RAB3C: variants seen among roughly 807,000 people sequenced by gnomAD.
RAB3C encodes ras-related protein Rab-3C.
Under a neutral mutation model 26.4 loss-of-function variants are expected in RAB3C, and 17 were observed. That is an observed-to-expected ratio of 0.64 (90% confidence interval 0.44 to 0.97). The LOEUF (loss-of-function observed/expected upper bound fraction) is 0.97, where lower values mean the gene tolerates loss of function less well. Ranked by LOEUF, RAB3C falls within the 50% of genes least tolerant of loss-of-function variation. RAB3C has a pLI of 0.00. For synonymous variants in RAB3C, 91 were observed against 95.9 expected, an observed-to-expected ratio of 0.95 and a Z score of 0.30; for missense variants, 242 against 281.9, an observed-to-expected ratio of 0.86 and a Z score of 1.01.
At chr5:58,645,250 T>G (rs781057229) in intron 2 of RAB3C, among the ~76,000 whole-genome samples, 3 of 152,222 alleles carry the variant, frequency 2.0e-5, no homozygotes, top group Non-Finnish European at 4.4e-5. Context: ...GGGCTGATTA[T>G]TAGCACCACA....
chr5:58,591,832 C>A (rs1487076618), intron 1 of RAB3C, among the ~76,000 whole-genome samples: 1 of 144,102 alleles, frequency 6.9e-6, no homozygotes, highest in African/African-American at 2.6e-5. Context: ...TTTTTATATT[C>A]TTTTTTGCTT....
chr5:58,833,623 C>T (rs991905832), intron 4 of RAB3C, among the ~76,000 whole-genome samples: 5 of 151,978 alleles, frequency 3.3e-5, no homozygotes, highest in African/African-American at 4.8e-5. Flanking sequence ...GGGAGAATTT[C>T]GGAGTAAAAT....
chr5:58,778,595 G>T (rs748109693), intron 3 of RAB3C, among the ~76,000 whole-genome samples: 1 of 152,012 alleles, frequency 6.6e-6, no homozygotes, highest in African/African-American at 2.4e-5. Context: ...TGCTTTTCTT[G>T]TCCTACTTAT....
chr5:58,600,199 G>A (rs1029707220), intron 1 of RAB3C, among the ~76,000 whole-genome samples: 52 of 152,026 alleles, frequency 3.4e-4, no homozygotes, highest in Admixed American at 2.4e-3. Flanking sequence ...ATTGGTCTAC[G>A]GATCTATTTT....
At chr5:58,594,076 T>A (rs1469376529) in intron 1 of RAB3C, among the ~76,000 whole-genome samples, 1 of 152,200 alleles carries the variant, frequency 6.6e-6, no homozygotes, top group Non-Finnish European at 1.5e-5. Flanking sequence ...CTCTCATCAC[T>A]TGTCTGCTGC....
chr5:58,694,623 A>G (rs560545533), intron 2 of RAB3C, among the ~76,000 whole-genome samples: 23 of 152,298 alleles, frequency 1.5e-4, no homozygotes, highest in African/African-American at 5.3e-4. Context: ...AGTGATTGCC[A>G]TTCTAACTGG....
intron 2 of RAB3C, among the ~76,000 whole-genome samples, chr5:58,678,230 A>C (rs1748269882): frequency 6.6e-6 from 1 of 152,194 alleles, no homozygotes; most frequent in Non-Finnish European, 1.5e-5. Context: ...AAAAAGATAT[A>C]AAAAATATTG....
At position 58,702,070 on chromosome 5, in the gene RAB3C, G is replaced by A. The variant is rs150633712; in HGVS notation, c.253-23932G>A. On this transcript the variant is annotated intron_variant, in intron 2 of 4. Coordinates refer to ENST00000282878, the MANE Select transcript of RAB3C (RefSeq NM_138453.4). The stretch of plus-strand genomic sequence containing the variant: ...GAGCACTCATGACTTCCCAGGCCTC[G>A]GCAACAGCTTCAAATTTTTCTGATC... Among the ~76,000 whole-genome samples, 423 of 152,096 alleles carry A rather than the reference G, an allele frequency of 2.8e-3. 1 individual carries two copies. Among genetic ancestry groups the A allele is most frequent in the African/African-American group, 9.5e-3 (395 of 41,498 alleles).
At chr5:58,597,740 TATA>T (rs1746353654) in intron 1 of RAB3C, among the ~76,000 whole-genome samples, 2 of 126,576 alleles carry the variant, frequency 1.6e-5, no homozygotes, top group African/African-American at 6.0e-5. Flanking sequence ...GTATATAACA[TATA>T]ATACATTATA....
chr5:58,679,531 C>T (rs1200718454), intron 2 of RAB3C, among the ~76,000 whole-genome samples: 1 of 152,106 alleles, frequency 6.6e-6, no homozygotes, highest in African/African-American at 2.4e-5. Context: ...GATCAAGGGC[C>T]TTCACCTTAT....
intron 3 of RAB3C, among the ~76,000 whole-genome samples, chr5:58,794,699 C>T (rs775364705): frequency 6.6e-6 from 1 of 152,150 alleles, no homozygotes; most frequent in Admixed American, 6.5e-5. Flanking sequence ...CTTTAATTCT[C>T]GTAACGTCTC....
intron 1 of RAB3C, among the ~76,000 whole-genome samples, chr5:58,595,173 A>G (rs568648362): frequency 1.3e-5 from 2 of 152,286 alleles, no homozygotes; most frequent in South Asian, 4.1e-4. Context: ...CTTTGAGAAC[A>G]TATTTACTGT....
chr5:58,626,278 T>C (rs1427603689), intron 2 of RAB3C, among the ~76,000 whole-genome samples: 1 of 152,212 alleles, frequency 6.6e-6, no homozygotes, highest in East Asian at 1.9e-4. Context: ...AATATGTAGG[T>C]ATGAAGATCT....
chr5:58,584,982 A>G (rs1006569575), intron 1 of RAB3C, among the ~76,000 whole-genome samples: 10 of 152,066 alleles, frequency 6.6e-5, no homozygotes, highest in Admixed American at 2.0e-4. Context: ...TTTAGTCAAA[A>G]CTTTAATGAA....
chr5:58,646,519 T>C (rs1747523645), intron 2 of RAB3C, among the ~76,000 whole-genome samples: 1 of 151,892 alleles, frequency 6.6e-6, no homozygotes, highest in South Asian at 2.1e-4. Context: ...CAAAGTACAA[T>C]GTTCTCTCTA....
intron 3 of RAB3C, among the ~76,000 whole-genome samples, chr5:58,779,088 C>T (rs954349951): frequency 4.6e-5 from 7 of 151,968 alleles, no homozygotes; most frequent in African/African-American, 1.7e-4. Flanking sequence ...TTTAGAGAAA[C>T]CTCTTCAACT....
At chr5:58,737,496 C>A (rs1030857384) in intron 3 of RAB3C, among the ~76,000 whole-genome samples, 3 of 141,764 alleles carry the variant, frequency 2.1e-5, no homozygotes, top group Non-Finnish European at 4.5e-5. Flanking sequence ...AACAAGAATG[C>A]AGGCTTCTTG....
intron 3 of RAB3C, among the ~76,000 whole-genome samples, chr5:58,765,878 C>T (rs1420273313): frequency 2.0e-5 from 3 of 152,122 alleles, no homozygotes; most frequent in Non-Finnish European, 4.4e-5. Context: ...TTTCCTCTTG[C>T]TGTTCTCATG....
At chr5:58,624,407 C>T (rs1747010080) in intron 2 of RAB3C, among the ~76,000 whole-genome samples, 1 of 152,186 alleles carries the variant, frequency 6.6e-6, no homozygotes, top group South Asian at 2.1e-4. Context: ...ATTTTCCTCC[C>T]ATTTTGCCCC....
Sources: gnomAD v4.1 joint callset for allele counts (sites outside exome capture counted in the v4.1 genomes callset) on GRCh38, gnomAD v4.1.1 for gene constraint, MANE v1.5 for transcripts, NCBI Gene and HGNC (gene_info 2026-07-23, HGNC 2026-07-21) for gene names.